The following PPP1R21 variants were observed in gnomAD, a reference collection of about 807,000 sequenced individuals.
The protein encoded by PPP1R21 is protein phosphatase 1 regulatory subunit 21, also known as KLRAQ motif containing 1.
PPP1R21 carries 85 observed loss-of-function variants against 112.8 expected under a neutral mutation model. The observed-to-expected ratio is 0.75, with a 90% CI of 0.63 to 0.90. PPP1R21 has a LOEUF of 0.90. Among genes scored for constraint, PPP1R21 ranks in the 40% least tolerant of loss-of-function variants. The pLI, the probability that PPP1R21 is intolerant of heterozygous loss-of-function variation, is 0.00. For missense variants in PPP1R21, 1,199 were observed against 901.5 expected, an observed-to-expected ratio of 1.33 and a Z score of -4.23; for synonymous variants, 381 against 322.3, an observed-to-expected ratio of 1.18 and a Z score of -1.95.
chr2:48,490,456 A>C (rs756209483), intron 14 of PPP1R21, among the ~76,000 whole-genome samples: 1 of 152,210 alleles, frequency 6.6e-6, no homozygotes, highest in Non-Finnish European at 1.5e-5. Context: ...TGAAAGTGAT[A>C]GATCTTTGTG....
chr2:48,503,952 CA>C (rs11389758), intron 17 of PPP1R21, among the ~76,000 whole-genome samples: 20 of 135,688 alleles, frequency 1.5e-4, no homozygotes, highest in South Asian at 7.4e-4. Context: ...GACTATGTCT[CA>C]AAAAAAAAAA....
intron 16 of PPP1R21, among the ~76,000 whole-genome samples, chr2:48,496,951 T>C (rs1026145941): frequency 5.9e-5 from 9 of 152,228 alleles, no homozygotes; most frequent in Non-Finnish European, 1.2e-4. Flanking sequence ...CTTCCTCTGC[T>C]TCACTCTAAA....
intron 7 of PPP1R21, among the ~76,000 whole-genome samples, chr2:48,463,524 T>G (rs985153579): frequency 6.6e-6 from 1 of 152,034 alleles, no homozygotes; most frequent in African/African-American, 2.4e-5. Flanking sequence ...AGAGCAGTGC[T>G]GTTTTTTGAG....
intron 11 of PPP1R21, 57 bp downstream of exon 11, chr2:48,471,424 CTGGCGTTAATAAAATAT>C: frequency 6.7e-7 from 1 of 1,487,162 alleles, no homozygotes. Flanking sequence ...CCTGATCTGG[CTGGCGTTAATAAAATAT>C]TAACATGTGC....
In PPP1R21 at chr2:48,515,052, C is replaced by T; in HGVS notation, c.*308C>T. The T allele has an allele frequency of 3.1e-6, 1 of 324,462 alleles. No homozygotes were observed. The highest frequency in any genetic ancestry group is 5.5e-6 in the Non-Finnish European group (1 of 180,222). 20.1% of individuals were successfully genotyped at this position (324,462 alleles called of 1,614,324 possible). A position where few individuals can be genotyped will look rare whatever the true frequency, so the allele number is the denominator to read the frequency against. Reference sequence around the variant, plus strand: ...AGGTTTTAATTTCAGTATGTAAGAACAAATATTTTGTATACTTTCAAACTC... The same window carrying T: ...AGGTTTTAATTTCAGTATGTAAGAATAAATATTTTGTATACTTTCAAACTC... On this transcript the variant is annotated 3_prime_UTR_variant, in exon 22 of 22. Transcript: ENST00000294952.
intron 16 of PPP1R21, among the ~76,000 whole-genome samples, chr2:48,497,803 C>A (rs1669914853): frequency 6.6e-6 from 1 of 151,974 alleles, no homozygotes; most frequent in Non-Finnish European, 1.5e-5. Flanking sequence ...AGGCGCCCGC[C>A]GCCACACCTG....
Position 48,474,829 on chromosome 2 carries a change from T to A in PPP1R21, c.1225+10T>A. On this transcript the variant is annotated intron_variant, in intron 12 of 21. Transcript: ENST00000294952. ...CTTCTTGCCTTGCCAAGTAAGTATGTTTGTTGCTTAGGGGTCAACTTCAAG... is the reference window on the plus strand; with the variant it reads ...CTTCTTGCCTTGCCAAGTAAGTATGATTGTTGCTTAGGGGTCAACTTCAAG... The A allele has an allele frequency of 1.2e-6, 2 of 1,610,554 alleles. No homozygotes were observed. Among genetic ancestry groups the A allele is most frequent in the Non-Finnish European group, 1.7e-6 (2 of 1,178,590 alleles).
At chr2:48,503,489 A>G (rs996111966) in intron 17 of PPP1R21, among the ~76,000 whole-genome samples, 1 of 152,230 alleles carries the variant, frequency 6.6e-6, no homozygotes, top group Non-Finnish European at 1.5e-5. Flanking sequence ...ATGTTAAATG[A>G]TTACCTCAGG....
At chr2:48,497,702 A>G (rs1182302421) in intron 16 of PPP1R21, among the ~76,000 whole-genome samples, 1 of 142,088 alleles carries the variant, frequency 7.0e-6, no homozygotes, top group African/African-American at 2.7e-5. Flanking sequence ...CCCAGGCTGG[A>G]GTGCAGTGGC....
rs142613288 is a variant in PPP1R21, at chr2:48,459,150, C to A, written c.376-604C>A. On this transcript the variant is annotated intron_variant, in intron 4 of 21. Coordinates refer to ENST00000294952, the MANE Select transcript of PPP1R21 (RefSeq NM_001135629.3). ...AGTGTATCCAACTATAACCTCCTTA[C>A]TTATTTTTTTTTGGTCAAATGGTAG... is the stretch of plus-strand genomic sequence containing the variant. 2.5e-3 allele frequency among the ~76,000 whole-genome samples: 364 copies of A among 147,572 alleles called. 2 individuals are homozygous for A. Among genetic ancestry groups the A allele is most frequent in the African/African-American group, 8.7e-3 (350 of 40,380 alleles).
chr2:48,493,168 G>A (rs1669650197), intron 15 of PPP1R21, among the ~76,000 whole-genome samples: 1 of 151,892 alleles, frequency 6.6e-6, no homozygotes, highest in South Asian at 2.1e-4. Flanking sequence ...ACCACACCCA[G>A]CTAATTTTTT....
chr2:48,444,544 C>T (rs1225301494), intron 1 of PPP1R21, among the ~76,000 whole-genome samples: 1 of 152,208 alleles, frequency 6.6e-6, no homozygotes, highest in East Asian at 1.9e-4. Context: ...TTTGCGGGAG[C>T]ACTCTTGCCT....
chr2:48,476,447 C>A (rs1042925719), intron 12 of PPP1R21, among the ~76,000 whole-genome samples: 5 of 152,066 alleles, frequency 3.3e-5, no homozygotes, highest in African/African-American at 1.2e-4. Flanking sequence ...CATCTCTTTT[C>A]ATTTCTTTGG....
At chr2:48,482,385 C>T (rs1322065744) in intron 13 of PPP1R21, among the ~76,000 whole-genome samples, 3 of 152,088 alleles carry the variant, frequency 2.0e-5, no homozygotes, top group Admixed American at 2.0e-4. Context: ...ACGGGAAGGT[C>T]TTAGTACTGC....
At chr2:48,471,431 T>A in intron 11 of PPP1R21, 64 bp downstream of exon 11, 2 of 1,447,072 alleles carry the variant, frequency 1.4e-6, no homozygotes, top group Non-Finnish European at 1.9e-6. Context: ...TGGCTGGCGT[T>A]AATAAAATAT....
intron 17 of PPP1R21, among the ~76,000 whole-genome samples, chr2:48,499,963 G>T (rs1670034308): frequency 1.3e-5 from 2 of 152,054 alleles, no homozygotes; most frequent in African/African-American, 4.8e-5. Context: ...TTTTTTACAA[G>T]CTTGAGGAGC....
At chr2:48,508,964 C>T (rs1231412643) in intron 19 of PPP1R21, among the ~76,000 whole-genome samples, 5 of 152,188 alleles carry the variant, frequency 3.3e-5, no homozygotes, top group Admixed American at 6.5e-5. Context: ...TCCCACATGA[C>T]TTTACTGCTC....
chr2:48,454,369 T>C (rs1667618190), intron 2 of PPP1R21, among the ~76,000 whole-genome samples: 1 of 152,242 alleles, frequency 6.6e-6, no homozygotes, highest in African/African-American at 2.4e-5. Context: ...CACGATCTGT[T>C]ACTTTAGTAT....
intron 12 of PPP1R21, among the ~76,000 whole-genome samples, chr2:48,475,229 T>C (rs1668698359): frequency 6.6e-6 from 1 of 152,124 alleles, no homozygotes; most frequent in South Asian, 2.1e-4. Context: ...AGCACTTCCC[T>C]GTAGTCCCAG....
Sources: allele counts gnomAD v4.1 joint callset (sites outside exome capture counted in the v4.1 genomes callset), GRCh38; gene constraint gnomAD v4.1.1; transcripts MANE v1.5; gene names NCBI Gene and HGNC (gene_info 2026-07-23, HGNC 2026-07-21).